Variants in CMYA5 observed in about 807,000 individuals in gnomAD.
The protein encoded by CMYA5 is cardiomyopathy-associated protein 5.
Under a neutral mutation model 318.9 loss-of-function variants are expected in CMYA5, and 246 were observed. That is an observed-to-expected ratio of 0.77 (90% CI 0.70 to 0.86). The LOEUF is 0.86. Among genes scored for constraint, CMYA5 ranks in the 40% least tolerant of loss-of-function variants. The pLI, the probability that CMYA5 is intolerant of heterozygous loss-of-function variation, is 0.00. For missense variants in CMYA5, 4,589 were observed against 4,678.2 expected, an observed-to-expected ratio of 0.98 and a Z score of 0.56; for synonymous variants, 1,641 against 1,729.5, an observed-to-expected ratio of 0.95 and a Z score of 1.27.
chr5:79,788,962 T>G lies in CMYA5; in HGVS notation c.11556-9T>G, dbSNP rs1433124921. 2 of 1,612,034 alleles carry G rather than the reference T, an allele frequency of 1.2e-6. No homozygotes were observed. Among genetic ancestry groups the G allele is most frequent in the African/African-American group, 1.3e-5 (1 of 74,882 alleles). On this transcript the variant is annotated splice_polypyrimidine_tract_variant and intron_variant, in intron 9 of 12. Transcript: ENST00000446378. ...ATGTTTAAAATTATTATTTTCCTCT[T>G]GTATTTAGATCTTTCTCTGGAATCA...
At chr5:79,703,594 A>C (rs535299464) in intron 1 of CMYA5, among the ~76,000 whole-genome samples, 6 of 152,212 alleles carry the variant, frequency 3.9e-5, no homozygotes, top group Non-Finnish European at 7.3e-5. Flanking sequence ...CAGGTGGGCT[A>C]TAATAGAGTG....
intron 1 of CMYA5, among the ~76,000 whole-genome samples, chr5:79,695,706 A>C (rs1827054709): frequency 2.0e-5 from 3 of 152,254 alleles, no homozygotes. Flanking sequence ...CAAGGAGCTC[A>C]GTCTGGTGAG....
chr5:79,690,585 G>A (rs1361528071), intron 1 of CMYA5, among the ~76,000 whole-genome samples: 1 of 152,072 alleles, frequency 6.6e-6, no homozygotes, highest in Non-Finnish European at 1.5e-5. Context: ...TTCAAGTCCT[G>A]GTCCCAAATC....
intron 1 of CMYA5, among the ~76,000 whole-genome samples, chr5:79,728,420 GCA>G (rs1450399825): frequency 1.3e-5 from 2 of 151,998 alleles, no homozygotes; most frequent in East Asian, 3.9e-4. Context: ...GGAGGATGCG[GCA>G]CAGTGGGTTA....
At position 79,730,095 on chromosome 5, in the gene CMYA5, G is replaced by A; in HGVS notation, c.1330G>A (p.Ala444Thr). ...TCTGGAGGCAGCGTCACCAGGTCTGGCAGCATCTACCCAGGATGGTTTGGA... is the reference window on the plus strand; with the variant it reads ...TCTGGAGGCAGCGTCACCAGGTCTGACAGCATCTACCCAGGATGGTTTGGA... ...ISLEAASPGL[A>T]ASTQDGLDPD... The change falls in exon 2 of 13, where the codon GCA (alanine) becomes ACA (threonine). Residue 444 changes from alanine to threonine, a missense_variant. Physicochemically the swap from Ala to Thr is moderately conservative, Grantham distance 58 (BLOSUM62 0). Around this residue, in one of 3 missense-constraint regions of CMYA5, gnomAD observed 2,132 missense variants for 2,131.3 expected, o/e 1.00. Transcript: ENST00000446378. 1.2e-6 allele frequency: 2 copies of A among 1,613,678 alleles called. No homozygotes were observed. The highest frequency in any genetic ancestry group is 1.7e-6 in the Non-Finnish European group (2 of 1,179,880).
In CMYA5 at chr5:79,730,457, A is replaced by G. The variant is rs1353651557; in HGVS notation, c.1692A>G (p.Leu564=). 2 of 1,613,876 alleles carry G rather than the reference A, an allele frequency of 1.2e-6. No homozygotes were observed. The highest frequency in any genetic ancestry group is 1.7e-5 in the Admixed American group (1 of 60,024). Residue 564 remains leucine (L), a synonymous_variant, in exon 2 of 13, where the codon CTA becomes CTG. Coordinates refer to ENST00000446378, the MANE Select transcript of CMYA5 (RefSeq NM_153610.5). ...AGCACAAAGAAGAAGAGCTTATTCT[A>G]CCATTATTGGCAGCATCATCTCCTG... is the stretch of plus-strand genomic sequence containing the variant. ...EVEHKEEELI[L]PLLAASSPEH...
At chr5:79,698,885 G>A (rs1408895248) in intron 1 of CMYA5, among the ~76,000 whole-genome samples, 5 of 152,138 alleles carry the variant, frequency 3.3e-5, no homozygotes, top group Admixed American at 1.3e-4. Context: ...GACCGGACAC[G>A]GTGGCTCAAG....
rs1364123170 is a variant in CMYA5, at chr5:79,733,952, TG to T, written c.5188del (p.Ala1730ProfsTer3). On this transcript the variant is annotated frameshift_variant, in exon 2 of 13. Transcript: ENST00000446378. LOFTEE classifies it high-confidence loss of function. ...TCAGCCTAGAGTCGAAAGAACCACC[TG>T]CCTCTGTAGCTGAAGGAGGCAACCC... ...IISLESKEPP[A>X]SVAEGGNPEE... is the part of the protein sequence containing the mutation. 6.2e-7 allele frequency: 1 copy of T among 1,613,508 alleles called. No homozygotes were observed. Among genetic ancestry groups the T allele is most frequent in the Non-Finnish European group, 8.5e-7 (1 of 1,179,808 alleles).
In CMYA5 at chr5:79,739,221, AAAG is replaced by A. The variant is rs765426818; in HGVS notation, c.10464_10466del (p.Glu3488del). On this transcript the variant is annotated inframe_deletion, in exon 2 of 13. Coordinates refer to ENST00000446378, the MANE Select transcript of CMYA5 (RefSeq NM_153610.5). ...ACAAAAAGAGTTGGGCAGCGAGAGGAAAGAAGAAGACCAATTATCATCTGAGGT... is the reference window on the plus strand; with the variant it reads ...ACAAAAAGAGTTGGGCAGCGAGAGGAAAGAAGACCAATTATCATCTGAGGT... 58 of 1,613,164 alleles carry A rather than the reference AAAG, an allele frequency of 3.6e-5. No individual in the cohort carries two copies. Among genetic ancestry groups the A allele is most frequent in the Middle Eastern group, 1.7e-4 (1 of 6,060 alleles).
chr5:79,714,611 G>T (rs1262150169), intron 1 of CMYA5, among the ~76,000 whole-genome samples: 1 of 151,516 alleles, frequency 6.6e-6, no homozygotes, highest in Non-Finnish European at 1.5e-5. Context: ...CTGGTTTTTA[G>T]AATTTTTTTG....
In CMYA5 at chr5:79,736,666, C is replaced by G. The variant is rs769994305; in HGVS notation, c.7901C>G (p.Thr2634Ser). ...AAAGTTTTGGTGGAGAAAACCAAGACTTTCCTGCCGGTGGCTCTTTCTTGT... is the reference window on the plus strand; with the variant it reads ...AAAGTTTTGGTGGAGAAAACCAAGAGTTTCCTGCCGGTGGCTCTTTCTTGT... ...ESKVLVEKTK[T>S]FLPVALSCRD... Residue 2634 changes from threonine (T) to serine (S), a missense_variant, in exon 2 of 13, where the codon ACT becomes AGT. By Grantham distance (58) the Thr-to-Ser change is moderately conservative. Coordinates refer to ENST00000446378, the MANE Select transcript of CMYA5 (RefSeq NM_153610.5). 27 of 1,613,500 alleles carry G rather than the reference C, an allele frequency of 1.7e-5. No homozygotes were observed. The South Asian group carries it at 2.9e-4, about 17-fold the overall frequency.
intron 1 of CMYA5, among the ~76,000 whole-genome samples, chr5:79,713,208 TG>T (rs962329585): frequency 1.3e-4 from 20 of 152,232 alleles, no homozygotes; most frequent in African/African-American, 4.8e-4. Flanking sequence ...CAACCTGGGA[TG>T]GGGTACTAAT....
chr5:79,738,005 G>A lies in CMYA5; in HGVS notation c.9240G>A (p.Glu3080=). The A allele has an allele frequency of 6.2e-7, 1 of 1,613,540 alleles. No individual in the cohort carries two copies. Among genetic ancestry groups the A allele is most frequent in the South Asian group, 1.1e-5 (1 of 91,008 alleles). Residue 3080 remains glutamate, a synonymous_variant, in exon 2 of 13, where the codon GAG becomes GAA. Coordinates refer to ENST00000446378, the MANE Select transcript of CMYA5 (RefSeq NM_153610.5). ...CTCCACAGAAATTAAATGTTGAAGA[G>A]AAACTCTCAAAGGAAGTTACAGAAG... ...QKAPQKLNVE[E]KLSKEVTEET...
chr5:79,763,581 G>A, intron 9 of CMYA5, among the ~76,000 whole-genome samples: 1 of 152,130 alleles, frequency 6.6e-6, no homozygotes, highest in African/African-American at 2.4e-5. Flanking sequence ...GTGAGCTTGT[G>A]TATAATGTAA....
intron 6 of CMYA5, among the ~76,000 whole-genome samples, chr5:79,754,837 C>G (rs751890602): frequency 2.6e-5 from 4 of 152,160 alleles, no homozygotes; most frequent in Admixed American, 2.0e-4. Context: ...CCATATTCTC[C>G]CCTTCTCCTG....
At chr5:79,717,558 A>G (rs1827541894) in intron 1 of CMYA5, among the ~76,000 whole-genome samples, 2 of 152,236 alleles carry the variant, frequency 1.3e-5, no homozygotes, top group Non-Finnish European at 2.9e-5. Context: ...AAGATGATTC[A>G]TTCTAAGTGA....
chr5:79,795,313 C>T (rs1382536257), intron 12 of CMYA5, among the ~76,000 whole-genome samples: 1 of 152,132 alleles, frequency 6.6e-6, no homozygotes, highest in African/African-American at 2.4e-5. Context: ...TGTGGCAGCC[C>T]CTCCTGTCTT....
intron 1 of CMYA5, among the ~76,000 whole-genome samples, chr5:79,728,428 G>C (rs58109266): frequency 6.5e-4 from 99 of 152,128 alleles, no homozygotes; most frequent in East Asian, 5.2e-3. Context: ...CGGCACAGTG[G>C]GTTAAGAGTG....
Position 79,733,613 on chromosome 5 carries a change from A to C in CMYA5, c.4848A>C (p.Ala1616=). 6.2e-7 allele frequency: 1 copy of C among 1,613,600 alleles called. No homozygotes were observed. Among genetic ancestry groups the C allele is most frequent in the African/African-American group, 1.3e-5 (1 of 75,026 alleles). Residue 1616 remains alanine, a synonymous_variant, in exon 2 of 13, where the codon GCA becomes GCC. Coordinates refer to ENST00000446378, the MANE Select transcript of CMYA5 (RefSeq NM_153610.5). ...CAGAAAAACAAGATGTTGCTTTGGCAGAGCTGTCTTTGGAACCTGAGAAGA... is the reference window on the plus strand; with the variant it reads ...CAGAAAAACAAGATGTTGCTTTGGCCGAGCTGTCTTTGGAACCTGAGAAGA... ...FPSEKQDVAL[A]ELSLEPEKKD...
Sources: gnomAD v4.1 joint callset for allele counts (sites outside exome capture counted in the v4.1 genomes callset) on GRCh38, gnomAD v4.1.1 for gene constraint, gnomAD v4.1.1 regional missense constraint, MANE v1.5 for transcripts, NCBI Gene and HGNC (gene_info 2026-07-23, HGNC 2026-07-21) for gene names.